Variants in TNNI3K observed in about 807,000 individuals in gnomAD.
TNNI3K encodes the protein serine/threonine-protein kinase TNNI3K.
Under a neutral mutation model 114.5 loss-of-function variants are expected in TNNI3K, and 140 were observed. The ratio of observed to expected loss-of-function variants is 1.22; its 90% confidence interval spans 1.07 to 1.41. The LOEUF (loss-of-function observed/expected upper bound fraction) is 1.41. Among genes scored for constraint, TNNI3K ranks in the 40% most tolerant of loss-of-function variants. TNNI3K has a pLI of 0.00. For synonymous variants in TNNI3K, 347 were observed against 347.5 expected (o/e 1.00, Z 0.02); for missense variants, 1,125 against 1,007.6 (o/e 1.12, Z -1.58).
At chr1:74,453,735 T>C (rs190649188) in intron 20 of TNNI3K, among the ~76,000 whole-genome samples, 12 of 152,160 alleles carry the variant, frequency 7.9e-5, no homozygotes, top group Admixed American at 7.2e-4. Context: ...ACCTTAAAGG[T>C]CAAATCAAAA....
chr1:74,387,015 C>G (rs1015073817), intron 17 of TNNI3K, among the ~76,000 whole-genome samples: 1 of 152,110 alleles, frequency 6.6e-6, no homozygotes, highest in African/African-American at 2.4e-5. Flanking sequence ...GTTAAAATTT[C>G]TATAGACAGG....
intron 21 of TNNI3K, chr1:74,469,962 A>G (rs1161410101): frequency 2.5e-6 from 1 of 400,578 alleles, no homozygotes; most frequent in African/African-American, 2.1e-5. Flanking sequence ...TTTCAGCTTC[A>G]TTTATTCTGC....
intron 16 of TNNI3K, 91 bp from the exon 17 acceptor site, chr1:74,370,197 T>C: frequency 1.8e-6 from 2 of 1,117,722 alleles, no homozygotes; most frequent in African/African-American, 1.6e-5. Context: ...ATGGTTAAGA[T>C]GATATAAAAT....
intron 20 of TNNI3K, among the ~76,000 whole-genome samples, chr1:74,446,432 G>A (rs1328896710): frequency 2.0e-5 from 3 of 150,354 alleles, no homozygotes; most frequent in Non-Finnish European, 4.4e-5. Flanking sequence ...TGTAGATTCT[G>A]GATATTAGCC....
At chr1:74,454,617 A>G (rs1667156469) in intron 20 of TNNI3K, among the ~76,000 whole-genome samples, 1 of 152,122 alleles carries the variant, frequency 6.6e-6, no homozygotes. Context: ...CCATTTATCT[A>G]CTGATGTACA....
chr1:74,303,852 T>C (rs1658469938), intron 5 of TNNI3K, among the ~76,000 whole-genome samples: 1 of 152,174 alleles, frequency 6.6e-6, no homozygotes, highest in African/African-American at 2.4e-5. Flanking sequence ...AACAGGAGTT[T>C]GGCAGAAGTT....
intron 21 of TNNI3K, among the ~76,000 whole-genome samples, chr1:74,472,572 A>G (rs1048984478): frequency 2.6e-5 from 4 of 152,112 alleles, no homozygotes; most frequent in African/African-American, 9.7e-5. Context: ...TCCCATTTGC[A>G]ACTTAAATAT....
intron 21 of TNNI3K, chr1:74,468,508 A>C (rs1055442557): frequency 6.6e-6 from 1 of 152,186 alleles, no homozygotes; most frequent in Non-Finnish European, 1.5e-5. Flanking sequence ...GATTAAAAGC[A>C]ATAAAGTCTT....
At chr1:74,367,856 G>T in intron 12 of TNNI3K, 52 bp from the exon 13 acceptor site, 1 of 1,505,338 alleles carries the variant, frequency 6.6e-7, no homozygotes, top group Non-Finnish European at 8.9e-7. Context: ...GAACTTTTAT[G>T]TAGAAAAAAA....
chr1:74,491,324 A>G (rs994232419), intron 22 of TNNI3K, among the ~76,000 whole-genome samples: 2 of 152,140 alleles, frequency 1.3e-5, no homozygotes, highest in East Asian at 1.9e-4. Flanking sequence ...GGTTCAAGCG[A>G]TTCTCCTGCC....
intron 17 of TNNI3K, among the ~76,000 whole-genome samples, chr1:74,434,260 A>G (rs985394688): frequency 6.6e-6 from 1 of 151,964 alleles, no homozygotes; most frequent in East Asian, 1.9e-4. Flanking sequence ...ATTTTTTAGC[A>G]TGCACTCTCT....
intron 24 of TNNI3K, among the ~76,000 whole-genome samples, chr1:74,542,631 A>G (rs1646739752): frequency 6.6e-6 from 1 of 152,228 alleles, no homozygotes; most frequent in South Asian, 2.1e-4. Context: ...TATTTTGACA[A>G]GAGACCTTTC....
In TNNI3K at chr1:74,505,262, A is replaced by G. The variant is rs564785467; in HGVS notation, c.2351+12996A>G. 1.6e-4 allele frequency among the ~76,000 whole-genome samples: 24 copies of G among 152,330 alleles called. No homozygotes were observed. The South Asian group carries it at 5.0e-3, about 32-fold the overall frequency. ...ATCTGACAGGACAAGCACAGGGACC[A>G]AAGAGAACAACCGGCCTAATTAAAT... On this transcript the variant is annotated intron_variant, in intron 23 of 24. Coordinates refer to ENST00000326637, the MANE Select transcript of TNNI3K (RefSeq NM_015978.3).
chr1:74,325,578 G>A (rs567669291), intron 5 of TNNI3K, among the ~76,000 whole-genome samples: 41 of 152,282 alleles, frequency 2.7e-4, no homozygotes, highest in Admixed American at 2.0e-3. Context: ...AGGCTAAAAA[G>A]CATCCATGAG....
intron 23 of TNNI3K, among the ~76,000 whole-genome samples, chr1:74,519,750 G>T (rs1238425351): frequency 6.6e-6 from 1 of 152,048 alleles, no homozygotes; most frequent in African/African-American, 2.4e-5. Context: ...CTAATGTGAG[G>T]ACAAGTACCT....
intron 21 of TNNI3K, chr1:74,483,145 T>C: frequency 1.7e-6 from 1 of 577,924 alleles, no homozygotes. Context: ...TGAAGTGTAC[T>C]CATTAAAGGG....
Position 74,369,310 on chromosome 1 carries a change from C to G in TNNI3K, c.1472+46C>G, listed in dbSNP as rs1375165565. 11 of 1,606,908 alleles carry G rather than the reference C, an allele frequency of 6.8e-6. No individual in the cohort carries two copies. The East Asian group carries it at 2.5e-4, about 36-fold the overall frequency. ...ATTTAACATCCAGGTGGAATTGTGA[C>G]CTTTGAGAAGCATGTGCATGGCAAG... On this transcript the variant is annotated intron_variant, in intron 15 of 24. Transcript: ENST00000326637.
chr1:74,356,828 G>A (rs1661683474), intron 11 of TNNI3K, among the ~76,000 whole-genome samples: 2 of 152,142 alleles, frequency 1.3e-5, no homozygotes, highest in South Asian at 4.1e-4. Flanking sequence ...TTCAACATAT[G>A]CTGTATTTGT....
intron 20 of TNNI3K, among the ~76,000 whole-genome samples, chr1:74,451,503 C>T (rs191745638): frequency 6.6e-6 from 1 of 151,768 alleles, no homozygotes; most frequent in Admixed American, 6.6e-5. Flanking sequence ...ACTAAATTTA[C>T]TTCTCCATCC....
Sources: allele counts gnomAD v4.1 joint callset (sites outside exome capture counted in the v4.1 genomes callset), GRCh38; gene constraint gnomAD v4.1.1; transcripts MANE v1.5; gene names NCBI Gene and HGNC (gene_info 2026-07-23, HGNC 2026-07-21).